The following EPS8L2 variants were observed in gnomAD, a reference collection of about 807,000 sequenced individuals.
EPS8L2 encodes epidermal growth factor receptor kinase substrate 8-like protein 2.
EPS8L2 carries 81 observed loss-of-function variants against 99.4 expected under a neutral mutation model. The observed-to-expected ratio is 0.82, with a 90% CI of 0.68 to 0.98. EPS8L2 has a LOEUF of 0.98. EPS8L2 is among the 50% of genes least tolerant of loss of function. EPS8L2 has a pLI of 0.00. For missense variants in EPS8L2, 1,155 were observed against 968.8 expected, an observed-to-expected ratio of 1.19 and a Z score of -2.55; for synonymous variants, 509 against 407.3, an observed-to-expected ratio of 1.25 and a Z score of -3.01.
chr11:707,395 C>T (rs1472440498), intron 1 of EPS8L2, among the ~76,000 whole-genome samples: 1 of 152,168 alleles, frequency 6.6e-6, no homozygotes, highest in Admixed American at 6.5e-5. Context: ...TGACCCCTCC[C>T]CAAGGTCACT....
In EPS8L2 at chr11:724,432, G is replaced by T. The variant is rs1193578715; in HGVS notation, c.1455-292G>T. 1 of 423,604 alleles carries T rather than the reference G, an allele frequency of 2.4e-6. No individual in the cohort carries two copies. The highest frequency in any genetic ancestry group is 4.3e-6 in the Non-Finnish European group (1 of 230,284). 26.2% of individuals were successfully genotyped at this position (423,604 alleles called of 1,614,324 possible). Reference sequence around the variant, plus strand: ...CTGGCTCTGGTTCCCCTGGGGTGCCGGACTGGAGACCCCTGAGGTGGCCTG... The same window carrying T: ...CTGGCTCTGGTTCCCCTGGGGTGCCTGACTGGAGACCCCTGAGGTGGCCTG... On this transcript the variant is annotated intron_variant, in intron 15 of 20. Transcript: ENST00000318562. The surrounding 1 kb of genome is among the most constrained non-coding windows in gnomAD (Gnocchi z 5.5).
At position 721,921 on chromosome 11, in the gene EPS8L2, G is replaced by A. The variant is rs139209466; in HGVS notation, c.914G>A (p.Arg305Gln). The A allele has an allele frequency of 5.1e-5, 82 of 1,593,908 alleles. No individual in the cohort carries two copies. Among genetic ancestry groups the A allele is most frequent in the Non-Finnish European group, 6.7e-5 (78 of 1,170,806 alleles). ...KAPAEGVLTL[R>Q]ARPPSEGEFI... is the part of the protein sequence containing the mutation. ...ATGCCAGAGGGCGTCCTCACACTGC[G>A]GGCACGGCCCCCCTCTGAGGGCGAG... The change falls in exon 11 of 21, where the codon CGG (arginine) becomes CAG (glutamine). Residue 305 changes from arginine (R) to glutamine (Q), a missense_variant. Coordinates refer to ENST00000318562, the MANE Select transcript of EPS8L2 (RefSeq NM_022772.4).
In EPS8L2 at chr11:726,155, C is replaced by T. The variant is rs1338147350; in HGVS notation, c.1738C>T (p.Pro580Ser). 18 of 1,608,944 alleles carry T rather than the reference C, an allele frequency of 1.1e-5. No individual in the cohort carries two copies. The East Asian group carries it at 3.8e-4, about 34-fold the overall frequency. Residue 580 changes from proline to serine, a missense_variant, in exon 18 of 21, where the codon CCG becomes TCG. Physicochemically the swap from Pro to Ser is moderately conservative, Grantham distance 74. Transcript: ENST00000318562. ...SPTHKLPPSFPGNKDELMQHM... is the reference protein window; with the variant it reads ...SPTHKLPPSFSGNKDELMQHM... Reference sequence around the variant, plus strand: ...GACCCACAAGCTACCCCCAAGCTTCCCGGGGAACAAAGACGGTGAGAGCTG... The same window carrying T: ...GACCCACAAGCTACCCCCAAGCTTCTCGGGGAACAAAGACGGTGAGAGCTG...
At position 724,407 on chromosome 11, in the gene EPS8L2, CT is replaced by C. The variant is rs1158067467; in HGVS notation, c.1455-316del. Among the ~76,000 whole-genome samples the C allele has an allele frequency of 6.6e-6, 1 of 152,190 alleles. No homozygotes were observed. Among genetic ancestry groups the C allele is most frequent in the East Asian group, 1.9e-4 (1 of 5,192 alleles). ...ACCCTGGCGTTTCCCAGGAACGCCC[CT>C]GGCTCTGGTTCCCCTGGGGTGCCGG... On this transcript the variant is annotated intron_variant, in intron 15 of 20. Coordinates refer to ENST00000318562, the MANE Select transcript of EPS8L2 (RefSeq NM_022772.4). This position sits in a 1 kb window ranked among gnomAD's most constrained non-coding sequence, Gnocchi z 5.5.
chr11:719,855 A>G (rs764151025), intron 4 of EPS8L2, among the ~76,000 whole-genome samples: 1 of 152,054 alleles, frequency 6.6e-6, no homozygotes, highest in Non-Finnish European at 1.5e-5. Context: ...TCCTTTGAGG[A>G]TAGTTTCAGG....
At position 722,129 on chromosome 11, in the gene EPS8L2, G is replaced by A. The variant is rs756575191; in HGVS notation, c.1023G>A (p.Ala341=). ...LQKHIQNPSA[A]ELVHFLFGPL... Reference sequence around the variant, plus strand: ...AGCACATCCAGAACCCCAGCGCCGCGGAGCTCGTGCACTTCCTCTTCGGGC... The same window carrying A: ...AGCACATCCAGAACCCCAGCGCCGCAGAGCTCGTGCACTTCCTCTTCGGGC... Residue 341 remains alanine (A), a synonymous_variant, in exon 12 of 21, where the codon GCG becomes GCA. Transcript: ENST00000318562. 67 of 1,612,958 alleles carry A rather than the reference G, an allele frequency of 4.2e-5. No individual in the cohort carries two copies. Among genetic ancestry groups the A allele is most frequent in the East Asian group, 2.5e-4 (11 of 44,876 alleles).
chr11:711,292 CTTT>C, intron 4 of EPS8L2, among the ~76,000 whole-genome samples: 1 of 149,872 alleles, frequency 6.7e-6, no homozygotes, highest in Admixed American at 6.7e-5. Context: ...GTGTGTGTGT[CTTT>C]TTTTCTTCCT....
intron 4 of EPS8L2, among the ~76,000 whole-genome samples, chr11:715,899 C>T (rs975614608): frequency 1.3e-5 from 2 of 151,604 alleles, no homozygotes; most frequent in African/African-American, 4.8e-5. Context: ...GGATTACAGG[C>T]ATGAGCCACC....
At chr11:725,496 G>C (rs1311591338) in intron 16 of EPS8L2, among the ~76,000 whole-genome samples, 2 of 152,204 alleles carry the variant, frequency 1.3e-5, no homozygotes, top group South Asian at 2.1e-4. Context: ...GGGCGGCAGA[G>C]TGAGACCCTG....
chr11:707,103 C>T (rs1193313524), intron 1 of EPS8L2, among the ~76,000 whole-genome samples: 1 of 152,014 alleles, frequency 6.6e-6, no homozygotes, highest in Non-Finnish European at 1.5e-5. Context: ...GCCCAGCTGG[C>T]GGCGGCCCCT....
chr11:724,849 G>A lies in EPS8L2; in HGVS notation c.1560+20G>A, dbSNP rs1862273647. Reference sequence around the variant, plus strand: ...CTAGAGGTGAGGGGCTGGAGGACGGGGTCCAAGAGGGGGAAACAGGGCAGG... The same window carrying A: ...CTAGAGGTGAGGGGCTGGAGGACGGAGTCCAAGAGGGGGAAACAGGGCAGG... On this transcript the variant is annotated intron_variant, in intron 16 of 20. Transcript: ENST00000318562. The surrounding 1 kb of genome is among the most constrained non-coding windows in gnomAD (Gnocchi z 5.5). 1 of 1,568,486 alleles carries A rather than the reference G, an allele frequency of 6.4e-7. No homozygotes were observed. Among genetic ancestry groups the A allele is most frequent in the Non-Finnish European group, 8.8e-7 (1 of 1,139,988 alleles).
At position 725,772 on chromosome 11, in the gene EPS8L2, C is replaced by T. The variant is rs569301635; in HGVS notation, c.1605C>T (p.Ser535=). The part of the protein sequence containing the change: ...GRQWWKLRSR[S]GQAGYVPCNI... ...AGTGGTGGAAGCTGCGCAGCCGCAG[C>T]GGCCAGGCGGGGTACGTGCCCTGCA... is the stretch of plus-strand genomic sequence containing the variant. The change falls in exon 17 of 21, where the codon AGC becomes AGT. Residue 535 remains serine, a synonymous_variant. Coordinates refer to ENST00000318562, the MANE Select transcript of EPS8L2 (RefSeq NM_022772.4). The T allele has an allele frequency of 4.7e-5, 64 of 1,353,924 alleles. No homozygotes were observed. The Admixed American group carries it at 1.7e-3, about 36-fold the overall frequency. The allele number at this position is 1,353,924 out of a possible 1,614,324, so 83.9% of individuals were successfully genotyped here. A position where few individuals can be genotyped will look rare whatever the true frequency, so the allele number is the denominator to read the frequency against.
intron 4 of EPS8L2, among the ~76,000 whole-genome samples, chr11:719,816 G>C (rs1862109119): frequency 2.0e-5 from 3 of 152,172 alleles, no homozygotes; most frequent in African/African-American, 4.8e-5. Context: ...GGTGAGGATG[G>C]TGGCGCGGGG....
At chr11:711,528 G>A (rs1861890750) in intron 4 of EPS8L2, among the ~76,000 whole-genome samples, 1 of 151,664 alleles carries the variant, frequency 6.6e-6, no homozygotes, top group African/African-American at 2.4e-5. Context: ...TTATTTTTTT[G>A]TGGAGATGGA....
chr11:726,954 G>C lies in EPS8L2; in HGVS notation c.2121G>C (p.Met707Ile), dbSNP rs925012761. ...AACTCATGAACAAGTTTCATTCCAT[G>C]AATCAGAGGAGGGGGGAGGACAGCT... ...LEELMNKFHSMNQRRGEDS is the reference protein window; with the variant it reads ...LEELMNKFHSINQRRGEDS Residue 707 changes from methionine to isoleucine, a missense_variant, in exon 21 of 21, where the codon ATG (methionine) becomes ATC (isoleucine). Transcript: ENST00000318562. 9 of 1,613,304 alleles carry C rather than the reference G, an allele frequency of 5.6e-6. No homozygotes were observed. The highest frequency in any genetic ancestry group is 7.6e-6 in the Non-Finnish European group (9 of 1,179,924).
At chr11:717,008 G>C (rs796954248) in intron 4 of EPS8L2, among the ~76,000 whole-genome samples, 4 of 152,036 alleles carry the variant, frequency 2.6e-5, no homozygotes, top group Non-Finnish European at 5.9e-5. Context: ...ACAGAGTCTC[G>C]CTCTGTTGCC....
intron 16 of EPS8L2, among the ~76,000 whole-genome samples, chr11:725,106 G>A (rs530671526): frequency 6.6e-6 from 1 of 152,308 alleles, no homozygotes; most frequent in Middle Eastern, 3.4e-3. Context: ...CTCAGCGGGG[G>A]CCTGTCATTC....
At position 724,190 on chromosome 11, in the gene EPS8L2, C is replaced by A. The variant is rs1862259088; in HGVS notation, c.1455-534C>A. Among the ~76,000 whole-genome samples, 1 of 152,176 alleles carries A rather than the reference C, an allele frequency of 6.6e-6. No homozygotes were observed. Among genetic ancestry groups the A allele is most frequent in the South Asian group, 2.1e-4 (1 of 4,834 alleles). On this transcript the variant is annotated intron_variant, in intron 15 of 20. Transcript: ENST00000318562. The surrounding 1 kb of genome is among the most constrained non-coding windows in gnomAD (Gnocchi z 5.5). The stretch of plus-strand genomic sequence containing the variant: ...GGCCTGGCCAGGTGACAGCCACAGG[C>A]CTGCTACATGCCAAAGCCAGGACCC...
chr11:713,027 G>C lies in EPS8L2; in HGVS notation c.165+2541G>C, dbSNP rs189247692. On this transcript the variant is annotated intron_variant, in intron 4 of 20. Transcript: ENST00000318562. ...CTGGCCCCCAGCCAGCAGGAGCCTC[G>C]TCTGCCCAGAGGCCAACAGAGTGAG... Among the ~76,000 whole-genome samples, 705 of 141,684 alleles carry C rather than the reference G, an allele frequency of 5.0e-3. 4 individuals are homozygous for C. Among genetic ancestry groups the C allele is most frequent in the African/African-American group, 0.016 (670 of 40,972 alleles). The allele number at this position is 141,684 out of a possible 152,430, so 93.0% of individuals were successfully genotyped here.
Sources: allele counts gnomAD v4.1 joint callset (sites outside exome capture counted in the v4.1 genomes callset), GRCh38; gene constraint gnomAD v4.1.1; non-coding constraint Gnocchi (gnomAD v3.1); transcripts MANE v1.5; gene names NCBI Gene and HGNC (gene_info 2026-07-23, HGNC 2026-07-21).